Variants in CCDC9 observed in about 807,000 individuals in gnomAD.
CCDC9 encodes the protein coiled-coil domain containing 9.
In CCDC9, 52 loss-of-function variants were observed where a neutral mutation model predicts 65.6. That is an observed-to-expected ratio of 0.79 (90% confidence interval 0.63 to 1.00). The LOEUF (loss-of-function observed/expected upper bound fraction) is 1.00. CCDC9 is among the 50% of genes least tolerant of loss of function. The pLI is 0.00. For synonymous variants in CCDC9, 332 were observed against 280.3 expected (o/e 1.18, Z -1.84); for missense variants, 834 against 757.2 (o/e 1.10, Z -1.19).
At chr19:47,269,645 T>TA (rs2059103188) in intron 8 of CCDC9, among the ~76,000 whole-genome samples, 1 of 151,918 alleles carries the variant, frequency 6.6e-6, no homozygotes, top group Non-Finnish European at 1.5e-5. Context: ...GCCCTAATAT[T>TA]ATCTTAGCTG....
downstream of CCDC9, chr19:47,275,495 CA>C (rs967338279): frequency 9.5e-6 from 11 of 1,157,182 alleles, no homozygotes; most frequent in South Asian, 1.7e-5. Flanking sequence ...AATGGGGGCC[CA>C]GGGGGTGTCA....
At chr19:47,260,125 C>T (rs1010118366) in intron 3 of CCDC9, among the ~76,000 whole-genome samples, 196 bp from the exon 4 acceptor site, 1 of 152,158 alleles carries the variant, frequency 6.6e-6, no homozygotes, top group Admixed American at 6.5e-5. Flanking sequence ...AAGGCTGTTA[C>T]TCAGAGGGGC....
chr19:47,260,263 G>C (rs1433114824), intron 3 of CCDC9, 58 bp from the exon 4 acceptor site: 1 of 1,268,260 alleles, frequency 7.9e-7, no homozygotes, highest in African/African-American at 1.5e-5. Context: ...AGGGGTCTGG[G>C]AGTCCGTCTG....
Position 47,270,740 on chromosome 19 carries a change from G to C in CCDC9, c.1085+52G>C, listed in dbSNP as rs374156415. 2.6e-6 allele frequency: 4 copies of C among 1,537,922 alleles called. No individual in the cohort carries two copies. The African/African-American group carries it at 5.5e-5, about 21-fold the overall frequency. On this transcript the variant is annotated intron_variant, in intron 10 of 11. Coordinates refer to ENST00000221922, the MANE Select transcript of CCDC9 (RefSeq NM_015603.3). Reference sequence around the variant, plus strand: ...ATACCCCCAGGGCTCTCCGCAGGGCGTTCTCTTCTTTGGCTTGCTGTGAAG... The same window carrying C: ...ATACCCCCAGGGCTCTCCGCAGGGCCTTCTCTTCTTTGGCTTGCTGTGAAG...
chr19:47,260,753 GGGGGCCGTGGCCGGA>G lies in CCDC9; in HGVS notation c.384_398del (p.Arg131_Arg135del). 6.2e-7 allele frequency: 1 copy of G among 1,608,264 alleles called. No individual in the cohort carries two copies. The highest frequency in any genetic ancestry group is 2.2e-5 in the East Asian group (1 of 44,786). On this transcript the variant is annotated inframe_deletion, in exon 5 of 12. Coordinates refer to ENST00000221922, the MANE Select transcript of CCDC9 (RefSeq NM_015603.3). ...GGAGCAGCCTCGAGGAGGAGGAGCT[GGGGGCCGTGGCCGGA>G]GGGGCCGGGGCCGAGGTTCACCTCA...
chr19:47,270,798 CT>C, intron 10 of CCDC9, 110 bp downstream of exon 10: 1 of 1,285,912 alleles, frequency 7.8e-7, no homozygotes. Context: ...CTGTCTTTGT[CT>C]TGGCCCTGTC....
In CCDC9 at chr19:47,258,420, G is replaced by C; in HGVS notation, c.3+17G>C. On this transcript the variant is annotated intron_variant, in intron 2 of 11. Coordinates refer to ENST00000221922, the MANE Select transcript of CCDC9 (RefSeq NM_015603.3). ...AGCGAAATGGTGAGGCTGAAAAATG[G>C]GGTCTCTAGAATCTGAGTTTTGGGG... 6.2e-7 allele frequency: 1 copy of C among 1,614,070 alleles called. No individual in the cohort carries two copies. Among genetic ancestry groups the C allele is most frequent in the Non-Finnish European group, 8.5e-7 (1 of 1,179,980 alleles).
rs946670676 is a variant in CCDC9, at chr19:47,264,755, C to T, written c.547-18C>T. On this transcript the variant is annotated intron_variant, in intron 6 of 11. Coordinates refer to ENST00000221922, the MANE Select transcript of CCDC9 (RefSeq NM_015603.3). ...GCTGCGGGGAGCCCGCGCCAACCCCCTGCTCTGCTGCCTGCAGGAAGGGGT... is the reference window on the plus strand; with the variant it reads ...GCTGCGGGGAGCCCGCGCCAACCCCTTGCTCTGCTGCCTGCAGGAAGGGGT... 6.2e-7 allele frequency: 1 copy of T among 1,605,452 alleles called. No homozygotes were observed. Among genetic ancestry groups the T allele is most frequent in the African/African-American group, 1.3e-5 (1 of 74,810 alleles).
At position 47,260,710 on chromosome 19, in the gene CCDC9, C is replaced by A; in HGVS notation, c.333C>A (p.Ser111Arg). 1 of 1,581,044 alleles carries A rather than the reference C, an allele frequency of 6.3e-7. No homozygotes were observed. Among genetic ancestry groups the A allele is most frequent in the Non-Finnish European group, 8.6e-7 (1 of 1,167,306 alleles). Residue 111 changes from serine (S) to arginine (R), a missense_variant, in exon 5 of 12, where the codon AGC (serine) becomes AGA (arginine). Physicochemically the swap from Ser to Arg is moderately radical, Grantham distance 110 (BLOSUM62 -1). Transcript: ENST00000221922. The part of the protein sequence containing the change: ...GRAGMGRASR[S>R]WEGSPGEQPR... ...CCGGCATGGGCCGAGCATCGCGCAG[C>A]TGGGAGGGCAGCCCCGGGGAGCAGC... is the stretch of plus-strand genomic sequence containing the variant.
intron 6 of CCDC9, 41 bp from the exon 7 acceptor site, chr19:47,264,732 T>A (rs2059069186): frequency 6.2e-7 from 1 of 1,603,342 alleles, no homozygotes; most frequent in East Asian, 2.3e-5. Context: ...CTGCCTGGGC[T>A]GCGGGGAGCC....
rs765248293 is a variant in CCDC9, at chr19:47,258,332, A to G, written c.-69A>G. 6.4e-7 allele frequency: 1 copy of G among 1,567,614 alleles called. No individual in the cohort carries two copies. The highest frequency in any genetic ancestry group is 8.8e-7 in the Non-Finnish European group (1 of 1,138,452). On this transcript the variant is annotated splice_region_variant and 5_prime_UTR_variant, in exon 2 of 12. Coordinates refer to ENST00000221922, the MANE Select transcript of CCDC9 (RefSeq NM_015603.3). ...CCTTTTTTTCCCTCTGTCCCCAGGAACCCTCAGTGCTGCGTCTAGATTCTG... is the reference window on the plus strand; with the variant it reads ...CCTTTTTTTCCCTCTGTCCCCAGGAGCCCTCAGTGCTGCGTCTAGATTCTG...
chr19:47,275,659 C>G (rs957247275), downstream of CCDC9: 10 of 428,112 alleles, frequency 2.3e-5, no homozygotes, highest in Admixed American at 4.4e-5. Flanking sequence ...CTCCCTGAAT[C>G]CGTGTCCATC....
At chr19:47,262,980 C>A (rs1323532407) in intron 5 of CCDC9, among the ~76,000 whole-genome samples, 1 of 151,686 alleles carries the variant, frequency 6.6e-6, no homozygotes, top group Non-Finnish European at 1.5e-5. Context: ...CAGCTACTTA[C>A]TTGGGAGGCT....
chr19:47,273,318 A>G, downstream of CCDC9: 1 of 1,197,156 alleles, frequency 8.4e-7, no homozygotes, highest in South Asian at 4.2e-5. Flanking sequence ...AGGTGGGAAG[A>G]CTGCTCCCCT....
chr19:47,275,582 C>T (rs2059155202), downstream of CCDC9: 1 of 572,010 alleles, frequency 1.7e-6, no homozygotes, highest in Middle Eastern at 4.8e-4. Flanking sequence ...CCATCCTGAG[C>T]TCTGTCTCCT....
At chr19:47,273,213 C>T (rs1600295347), downstream of CCDC9, 3 of 417,674 alleles carry the variant, frequency 7.2e-6, no homozygotes, top group East Asian at 1.1e-4. Flanking sequence ...TTAGTCTGGG[C>T]CCCGTAAACC....
chr19:47,264,776 G>C lies in CCDC9; in HGVS notation c.550G>C (p.Gly184Arg). The C allele has an allele frequency of 2.5e-6, 4 of 1,604,686 alleles. No homozygotes were observed. The highest frequency in any genetic ancestry group is 3.4e-6 in the Non-Finnish European group (4 of 1,175,108). ...IAEYERNQRE[G>R]VLEPNPVRNF... ...CCCCCTGCTCTGCTGCCTGCAGGAA[G>C]GGGTTCTTGAACCCAACCCAGTGCG... The change falls in exon 7 of 12, where the codon GGG becomes CGG. Residue 184 changes from glycine (G) to arginine (R), a missense_variant. Physicochemically the swap from Gly to Arg is moderately radical, Grantham distance 125 (BLOSUM62 -2). Coordinates refer to ENST00000221922, the MANE Select transcript of CCDC9 (RefSeq NM_015603.3).
rs762020143 is a variant in CCDC9 at position 47,264,874 on chromosome 19, C to A, written c.648C>A (p.Ser216Arg). 1 of 1,482,870 alleles carries A rather than the reference C, an allele frequency of 6.7e-7. No homozygotes were observed. Among genetic ancestry groups the A allele is most frequent in the East Asian group, 2.3e-5 (1 of 42,614 alleles). 91.9% of individuals were successfully genotyped at this position (1,482,870 alleles called of 1,614,324 possible). The change falls in exon 7 of 12, where the codon AGC (serine) becomes AGA (arginine). Residue 216 changes from serine to arginine, a missense_variant. Ser to Arg is a moderately radical substitution (Grantham distance 110). Coordinates refer to ENST00000221922, the MANE Select transcript of CCDC9 (RefSeq NM_015603.3). Reference sequence around the variant, plus strand: ...CTGAGCGGGACCGCCGGGAGGAGAGCCGCCGGCACGGCCGCAACTGGGGGG... The same window carrying A: ...CTGAGCGGGACCGCCGGGAGGAGAGACGCCGGCACGGCCGCAACTGGGGGG... Reference protein sequence around the residue: ...EESERDRREESRRHGRNWGGP... With the variant: ...EESERDRREERRRHGRNWGGP...
chr19:47,260,991 C>A, intron 5 of CCDC9, 152 bp downstream of exon 5: 2 of 869,780 alleles, frequency 2.3e-6, no homozygotes, highest in Non-Finnish European at 3.4e-6. Flanking sequence ...TCTCTTCCTC[C>A]ACCTCCTTCT....
Sources: gnomAD v4.1 joint callset for allele counts (sites outside exome capture counted in the v4.1 genomes callset) on GRCh38, gnomAD v4.1.1 for gene constraint, MANE v1.5 for transcripts, NCBI Gene and HGNC (gene_info 2026-07-23, HGNC 2026-07-21) for gene names.